Variants in LILRB3 observed in about 807,000 individuals in gnomAD.
LILRB3 encodes leukocyte immunoglobulin-like receptor subfamily B member 3.
In LILRB3, 32 loss-of-function variants were observed where a neutral mutation model predicts 68.2. That is an observed-to-expected ratio of 0.47 (90% CI 0.35 to 0.63). The LOEUF is 0.63. Among genes scored for constraint, LILRB3 ranks in the 30% least tolerant of loss-of-function variants. The probability of loss-of-function intolerance (pLI) is 0.00; values close to 1 mark genes in which losing one functional copy is unlikely to be tolerated. For synonymous variants in LILRB3, 185 were observed against 323.1 expected (o/e 0.57, Z 4.58); for missense variants, 502 against 791.3 (o/e 0.63, Z 4.39).
exon 9 of LILRB3, chr19:54,218,799 G>C (rs61734491): frequency 3.7e-6 from 6 of 1,614,078 alleles, no homozygotes; most frequent in South Asian, 2.2e-5. Context: ...CTCTGTCTCC[G>C]CAGCCCCTGC....
intron 7 of LILRB3, chr19:54,219,752 C>T: frequency 8.8e-6 from 13 of 1,475,704 alleles, no homozygotes; most frequent in Non-Finnish European, 1.2e-5. Context: ...AACTGAGGCC[C>T]AGGCAGGGGA....
chr19:54,218,445 G>A (rs1173373329), intron 10 of LILRB3, 32 bp from the exon 11 acceptor site: 5 of 1,613,446 alleles, frequency 3.1e-6, no homozygotes, highest in Non-Finnish European at 4.2e-6. Context: ...TTCGTCTCCT[G>A]GTTCTCTGAG....
intron 8 of LILRB3, 136 bp downstream of exon 8, chr19:54,218,993 T>C: frequency 2.0e-6 from 3 of 1,521,990 alleles, no homozygotes; most frequent in Non-Finnish European, 2.7e-6. Flanking sequence ...ATACTGAAGT[T>C]TGTAAATGCG....
exon 1 of LILRB3, chr19:54,222,977 G>T (rs755738143): frequency 4.3e-6 from 7 of 1,612,246 alleles, no homozygotes; most frequent in Non-Finnish European, 5.9e-6. Flanking sequence ...CGGGCGTCAT[G>T]GCGTCTCCTC....
Position 54,222,321 on chromosome 19 carries a change from TGCAGA to T in LILRB3, c.307_311del (p.Ser103ArgfsTer108). 6.2e-7 allele frequency: 1 copy of T among 1,609,102 alleles called. No individual in the cohort carries two copies. The highest frequency in any genetic ancestry group is 1.1e-5 in the South Asian group (1 of 90,832). On this transcript the variant is annotated frameshift_variant, in exon 3 of 13. Coordinates refer to ENST00000445347, the Ensembl canonical transcript of LILRB3. LOFTEE classifies it high-confidence loss of function. ...GGGGGTCGCTGGGCTCTGACCAGCCTGCAGAGCTGTAATAGTGGCAGCGGTATCTC... is the reference window on the plus strand; with the variant it reads ...GGGGGTCGCTGGGCTCTGACCAGCCTGCTGTAATAGTGGCAGCGGTATCTC...
chr19:54,219,606 T>A (rs2077877726), intron 7 of LILRB3: 2 of 1,540,210 alleles, frequency 1.3e-6, no homozygotes, highest in Non-Finnish European at 1.8e-6. Flanking sequence ...CTGCTGCAGG[T>A]GGGACGGGAC....
At chr19:54,216,477 T>G in exon 13 of LILRB3, 1 of 293,194 alleles carries the variant, frequency 3.4e-6, no homozygotes, top group Non-Finnish European at 5.1e-6. Context: ...GCCCGGCTAA[T>G]TTTTTTGTAT....
chr19:54,216,411 G>C (rs1420069988), exon 13 of LILRB3: 1 of 152,124 alleles, frequency 6.6e-6, no homozygotes, highest in Non-Finnish European at 1.4e-5. Flanking sequence ...CCGGGCTCAT[G>C]CCATTCTCCT....
chr19:54,220,806 A>G (rs1199587364), exon 6 of LILRB3: 1 of 1,497,070 alleles, frequency 6.7e-7, no homozygotes, highest in South Asian at 1.2e-5. Context: ...CTGTGCTGAC[A>G]GGGAGACGGT....
chr19:54,218,653 T>C, exon 10 of LILRB3: 1 of 1,614,170 alleles, frequency 6.2e-7, no homozygotes, highest in Non-Finnish European at 8.5e-7. Context: ...ACAGAGGTTT[T>C]CTTCCTGGAC....
At chr19:54,216,894 T>A (rs1002264870) in exon 13 of LILRB3, 24 of 1,438,126 alleles carry the variant, frequency 1.7e-5, no homozygotes, top group Non-Finnish European at 2.2e-5. Flanking sequence ...TTGAGAAGTC[T>A]GTTGCTTTAT....
At chr19:54,217,812 G>A in intron 11 of LILRB3, 1 of 552,018 alleles carries the variant, frequency 1.8e-6, no homozygotes, top group Non-Finnish European at 3.4e-6. Flanking sequence ...GATGACAGCT[G>A]AGCAGACAGC....
chr19:54,217,593 G>T (rs2077613766), intron 11 of LILRB3, 119 bp from the exon 12 acceptor site: 1 of 1,346,386 alleles, frequency 7.4e-7, no homozygotes, highest in Non-Finnish European at 1.0e-6. Context: ...GAATCTCAGG[G>T]ACGCCCTAAG....
intron 11 of LILRB3, 43 bp downstream of exon 11, chr19:54,218,318 G>A: frequency 6.2e-7 from 1 of 1,611,648 alleles, no homozygotes; most frequent in Non-Finnish European, 8.5e-7. Context: ...ATTAGATCTG[G>A]CACCAGGAGG....
chr19:54,217,112 G>A, exon 13 of LILRB3: 1 of 1,614,190 alleles, frequency 6.2e-7, no homozygotes, highest in Non-Finnish European at 8.5e-7. Flanking sequence ...GGCCAGAGTG[G>A]CGTAGATGCT....
rs1568992185 is a variant in LILRB3, at chr19:54,222,734, G to A, written c.70+13C>T. On this transcript the variant is annotated intron_variant, in intron 2 of 12. Coordinates refer to ENST00000445347, the Ensembl canonical transcript of LILRB3. ...GAGGAGTAGGGACCTGGGACAGCTG[G>A]GGACAGACTCACCTGCCTGCATGCG... 6.2e-7 allele frequency: 1 copy of A among 1,612,594 alleles called. No homozygotes were observed. The highest frequency in any genetic ancestry group is 8.5e-7 in the Non-Finnish European group (1 of 1,179,874).
At chr19:54,219,803 T>A in intron 7 of LILRB3, 1 of 1,519,256 alleles carries the variant, frequency 6.6e-7, no homozygotes, top group South Asian at 1.2e-5. Flanking sequence ...AGCCTGAACC[T>A]AGGACAGAAC....
At chr19:54,217,857 A>C (rs1206186674) in intron 11 of LILRB3, among the ~76,000 whole-genome samples, 2 of 151,924 alleles carry the variant, frequency 1.3e-5, no homozygotes, top group Non-Finnish European at 2.9e-5. Context: ...CCACTGCCCC[A>C]CACTCTCTGC....
chr19:54,218,474 C>A, intron 10 of LILRB3, 61 bp from the exon 11 acceptor site: 2 of 1,609,390 alleles, frequency 1.2e-6, no homozygotes, highest in South Asian at 2.2e-5. Context: ...GTCCTGCTGG[C>A]CCCCTGCCCT....
Sources: allele counts gnomAD v4.1 joint callset (sites outside exome capture counted in the v4.1 genomes callset), GRCh38; gene constraint gnomAD v4.1.1; transcripts MANE v1.5; gene names NCBI Gene and HGNC (gene_info 2026-07-23, HGNC 2026-07-21).